The following DOK6 variants were observed in gnomAD, a reference collection of about 807,000 sequenced individuals.
DOK6 encodes the protein downstream of tyrosine kinase 6.
DOK6 carries 22 observed loss-of-function variants against 44.0 expected under a neutral mutation model. The ratio of observed to expected loss-of-function variants is 0.50; its 90% CI spans 0.36 to 0.71. The LOEUF is 0.71. Ranked by LOEUF, DOK6 falls within the 30% of genes least tolerant of loss-of-function variation. The probability of loss-of-function intolerance (pLI) is 0.00; values close to 1 mark genes in which losing one functional copy is unlikely to be tolerated. For missense variants in DOK6, 340 were observed against 416.4 expected, an observed-to-expected ratio of 0.82 and a Z score of 1.60; for synonymous variants, 166 against 145.5, an observed-to-expected ratio of 1.14 and a Z score of -1.01.
At chr18:69,681,869 G>GAAAT (rs973393249) in intron 4 of DOK6, among the ~76,000 whole-genome samples, 4 of 152,180 alleles carry the variant, frequency 2.6e-5, no homozygotes, top group African/African-American at 9.7e-5. Context: ...AATGCAGTTG[G>GAAAT]AAATGGACAC....
At chr18:69,438,874 G>A (rs1045012217) in intron 1 of DOK6, among the ~76,000 whole-genome samples, 1 of 152,002 alleles carries the variant, frequency 6.6e-6, no homozygotes, top group African/African-American at 2.4e-5. Context: ...TATTCAAGAC[G>A]AGCCTGGGCA....
In DOK6 at chr18:69,698,409, T is replaced by G. The variant is rs769537641; in HGVS notation, c.415T>G (p.Phe139Val). The change falls in exon 5 of 8, where the codon TTC (phenylalanine) becomes GTC (valine). Residue 139 changes from phenylalanine (F) to valine (V), a missense_variant. Coordinates refer to ENST00000382713, the MANE Select transcript of DOK6 (RefSeq NM_152721.6). ...AGVQREQNERFNVYLMPTPNL... is the reference protein window; with the variant it reads ...AGVQREQNERVNVYLMPTPNL... Reference sequence around the variant, plus strand: ...CATTCTTCGTCTCTTCACAGAGAGATTCAACGTGTATCTTATGCCTACACC... The same window carrying G: ...CATTCTTCGTCTCTTCACAGAGAGAGTCAACGTGTATCTTATGCCTACACC... 2.7e-5 allele frequency: 43 copies of G among 1,610,884 alleles called. No individual in the cohort carries two copies. The highest frequency in any genetic ancestry group is 3.6e-5 in the Non-Finnish European group (42 of 1,178,330).
intron 5 of DOK6, among the ~76,000 whole-genome samples, chr18:69,716,529 G>T (rs961095459): frequency 6.6e-6 from 1 of 151,952 alleles, no homozygotes; most frequent in Non-Finnish European, 1.5e-5. Context: ...CATTTGTACA[G>T]GTTCTCTTAA....
At chr18:69,476,485 T>G (rs1282709788) in intron 1 of DOK6, among the ~76,000 whole-genome samples, 249 of 152,228 alleles carry the variant, frequency 1.6e-3, no homozygotes, top group East Asian at 0.012. Flanking sequence ...CAGTCAGAGT[T>G]CCCGGAGGAA....
chr18:69,578,203 T>G (rs1983282819), intron 2 of DOK6, among the ~76,000 whole-genome samples: 1 of 152,170 alleles, frequency 6.6e-6, no homozygotes, highest in South Asian at 2.1e-4. Flanking sequence ...ATTTATCCAT[T>G]TTTTCTTTTG....
chr18:69,635,836 G>A (rs1232613843), intron 3 of DOK6, among the ~76,000 whole-genome samples: 1 of 152,110 alleles, frequency 6.6e-6, no homozygotes, highest in Non-Finnish European at 1.5e-5. Flanking sequence ...TTTGGATTTT[G>A]GAAACAACAT....
In DOK6 at chr18:69,848,057, ACACAC is replaced by A. The variant is rs1473277321; in HGVS notation, c.*6675_*6679del. On this transcript the variant is annotated 3_prime_UTR_variant, in exon 8 of 8. Transcript: ENST00000382713. ...CACACACACACACACACACACACAC[ACACAC>A]ATTTTTGGCTTTTGACCCACTCTGT... The A allele has an allele frequency of 1.7e-3, 184 of 105,752 alleles. No homozygotes were observed. Among genetic ancestry groups the A allele is most frequent in the African/African-American group, 4.9e-3 (172 of 35,050 alleles). 6.6% of individuals were successfully genotyped at this position (105,752 alleles called of 1,614,324 possible).
At chr18:69,738,924 C>A in intron 5 of DOK6, 41 bp from the exon 6 acceptor site, 2 of 1,607,112 alleles carry the variant, frequency 1.2e-6, no homozygotes, top group South Asian at 1.1e-5. Flanking sequence ...TGCACTTGAA[C>A]ACATGGAGAC....
chr18:69,440,753 AACAC>A (rs55904998), intron 1 of DOK6, among the ~76,000 whole-genome samples: 206 of 149,450 alleles, frequency 1.4e-3, no homozygotes, highest in Middle Eastern at 3.5e-3. Context: ...TACACACACA[AACAC>A]ACACACACAC....
At chr18:69,808,698 A>G (rs1190633099) in intron 7 of DOK6, among the ~76,000 whole-genome samples, 1 of 151,878 alleles carries the variant, frequency 6.6e-6, no homozygotes, top group African/African-American at 2.4e-5. Context: ...GAAGAAATGG[A>G]AAAATTCCTA....
chr18:69,448,971 C>A (rs1979376159), intron 1 of DOK6, among the ~76,000 whole-genome samples: 1 of 152,152 alleles, frequency 6.6e-6, no homozygotes, highest in African/African-American at 2.4e-5. Flanking sequence ...TCACCCAAAT[C>A]TGGATACTTT....
chr18:69,475,953 T>C (rs1980248200), intron 1 of DOK6, among the ~76,000 whole-genome samples: 1 of 152,160 alleles, frequency 6.6e-6, no homozygotes, highest in Non-Finnish European at 1.5e-5. Context: ...GGGTATACTG[T>C]GTGATGCTGA....
chr18:69,535,990 TAGAG>T (rs1982112277), intron 1 of DOK6, among the ~76,000 whole-genome samples: 2 of 151,930 alleles, frequency 1.3e-5, no homozygotes, highest in Non-Finnish European at 2.9e-5. Flanking sequence ...AAAAAGTAAA[TAGAG>T]AGACATAGGG....
intron 7 of DOK6, among the ~76,000 whole-genome samples, chr18:69,837,020 A>G (rs1038750572): frequency 3.9e-5 from 6 of 152,216 alleles, no homozygotes; most frequent in Admixed American, 2.6e-4. Flanking sequence ...AAACGGTTGC[A>G]GTAAGAAAAA....
chr18:69,757,978 TC>T, intron 7 of DOK6, 105 bp downstream of exon 7: 1 of 965,334 alleles, frequency 1.0e-6, no homozygotes, highest in South Asian at 1.4e-5. Context: ...TTCCTCCCAT[TC>T]CCATTTATCA....
chr18:69,457,961 T>C (rs546011229), intron 1 of DOK6, among the ~76,000 whole-genome samples: 1 of 152,248 alleles, frequency 6.6e-6, no homozygotes, highest in South Asian at 2.1e-4. Context: ...CTGGCCAACA[T>C]GGTGAAAGCT....
chr18:69,576,989 T>C (rs190009169), intron 2 of DOK6, among the ~76,000 whole-genome samples: 1 of 152,146 alleles, frequency 6.6e-6, no homozygotes, highest in Non-Finnish European at 1.5e-5. Context: ...CCATGAAAAC[T>C]GCATGATGCC....
intron 1 of DOK6, among the ~76,000 whole-genome samples, chr18:69,546,286 A>G (rs1173801970): frequency 6.6e-6 from 1 of 151,232 alleles, no homozygotes; most frequent in Non-Finnish European, 1.5e-5. Context: ...TCAAAAAAAA[A>G]AAAAAGTGTA....
intron 3 of DOK6, among the ~76,000 whole-genome samples, chr18:69,677,356 TTA>T (rs1451825336): frequency 2.6e-5 from 3 of 117,208 alleles, no homozygotes; most frequent in African/African-American, 8.7e-5. Context: ...TATATATATA[TTA>T]TATATGTGTG....
Sources: allele counts gnomAD v4.1 joint callset (sites outside exome capture counted in the v4.1 genomes callset), GRCh38; gene constraint gnomAD v4.1.1; transcripts MANE v1.5; gene names NCBI Gene and HGNC (gene_info 2026-07-23, HGNC 2026-07-21).